BCCIP: variants seen among roughly 807,000 people sequenced by gnomAD.
The protein encoded by BCCIP is BRCA2 and CDKN1A-interacting protein.
A neutral mutation model predicts 32.8 loss-of-function variants in BCCIP; 23 were observed. The ratio of observed to expected loss-of-function variants is 0.70; its 90% CI spans 0.51 to 0.99. BCCIP has a LOEUF of 0.99. Ranked by LOEUF, BCCIP falls within the 50% of genes least tolerant of loss-of-function variation. BCCIP has a pLI of 0.00. For missense variants in BCCIP, 378 were observed against 379.8 expected (o/e 1.00, Z 0.04); for synonymous variants, 144 against 137.6 (o/e 1.05, Z -0.33).
At position 125,823,704 on chromosome 10, in the gene BCCIP, G is replaced by A. The variant is rs746946148; in HGVS notation, c.147G>A (p.Glu49=). The A allele has an allele frequency of 6.2e-7, 1 of 1,614,094 alleles. No homozygotes were observed. ...DDDSDKEKDE[E]DEVIDEEVNI... is the part of the protein sequence containing the mutation. Reference sequence around the variant, plus strand: ...ACAGTGACAAGGAAAAGGATGAAGAGGACGAGGTCATTGACGAGGTGAGAA... The same window carrying A: ...ACAGTGACAAGGAAAAGGATGAAGAAGACGAGGTCATTGACGAGGTGAGAA... The change falls in exon 1 of 7, where the codon GAG becomes GAA. Residue 49 remains glutamate (E), a synonymous_variant. Transcript: ENST00000278100.
chr10:125,843,561 G>A (rs1462541539), downstream of BCCIP, among the ~76,000 whole-genome samples: 2 of 151,770 alleles, frequency 1.3e-5, no homozygotes, highest in East Asian at 1.9e-4. Flanking sequence ...GTAGTGAGCC[G>A]AGATGGCACC....
downstream of BCCIP, chr10:125,838,179 C>A: frequency 6.5e-7 from 1 of 1,527,938 alleles, no homozygotes; most frequent in South Asian, 1.3e-5. Flanking sequence ...AAAAAAAATA[C>A]AACCCTTTCT....
At chr10:125,832,380 C>T (rs1450419570) in intron 5 of BCCIP, among the ~76,000 whole-genome samples, 1 of 152,004 alleles carries the variant, frequency 6.6e-6, no homozygotes, top group East Asian at 1.9e-4. Flanking sequence ...GAGGTCATAG[C>T]CCTTGCGTTG....
downstream of BCCIP, chr10:125,842,856 A>T (rs1038713699): frequency 4.2e-5 from 34 of 818,038 alleles, no homozygotes; most frequent in Admixed American, 5.6e-4. Flanking sequence ...ATCGATAATG[A>T]TGTGGTATTA....
At position 125,833,823 on chromosome 10, in the gene BCCIP, CT is replaced by C. The variant is rs1854582079; in HGVS notation, c.655del (p.Tyr219ThrfsTer3). On this transcript the variant is annotated frameshift_variant, in exon 6 of 7. Coordinates refer to ENST00000278100, the MANE Select transcript of BCCIP (RefSeq NM_078468.3). LOFTEE classifies it high-confidence loss of function. ...CCAATAAGCCATGTGGGAAGTGCTA[CT>C]TTTACCTTCTGATTAGTAAGACATT... Reference protein sequence around the residue: ...RTNKPCGKCYFYLLISKTFVE... With the variant: ...RTNKPCGKCYXYLLISKTFVE... 6.2e-7 allele frequency: 1 copy of C among 1,614,044 alleles called. No homozygotes were observed. Among genetic ancestry groups the C allele is most frequent in the Admixed American group, 1.7e-5 (1 of 60,002 alleles).
downstream of BCCIP, among the ~76,000 whole-genome samples, chr10:125,844,376 A>G (rs1013704206): frequency 6.6e-6 from 1 of 152,268 alleles, no homozygotes; most frequent in Non-Finnish European, 1.5e-5. Context: ...CTGGCTTGAC[A>G]GCCAGGCTCT....
chr10:125,836,942 T>C, downstream of BCCIP: 2 of 1,163,658 alleles, frequency 1.7e-6, no homozygotes, highest in Non-Finnish European at 2.5e-6. Flanking sequence ...TTCCCATCCC[T>C]GGAGAATCTA....
At chr10:125,845,009 T>C (rs1054660559), downstream of BCCIP, among the ~76,000 whole-genome samples, 1 of 152,202 alleles carries the variant, frequency 6.6e-6, no homozygotes, top group Non-Finnish European at 1.5e-5. Flanking sequence ...AGCTCCAATA[T>C]GTGCCTGCAT....
At chr10:125,847,232 A>AAGGG (rs987617086), downstream of BCCIP, among the ~76,000 whole-genome samples, 11 of 151,610 alleles carry the variant, frequency 7.3e-5, no homozygotes, top group African/African-American at 2.7e-4. Context: ...CATACCATGG[A>AAGGG]AGGGAGGGAG....
exon 7 of BCCIP, chr10:125,841,999 G>A: frequency 6.8e-7 from 1 of 1,461,794 alleles, no homozygotes; most frequent in Admixed American, 2.8e-5. Flanking sequence ...ACAGGTACTG[G>A]ACTTTTCCCT....
chr10:125,848,830 A>G (rs767001523), intron 7 of BCCIP, among the ~76,000 whole-genome samples: 5 of 152,204 alleles, frequency 3.3e-5, no homozygotes, highest in Non-Finnish European at 7.3e-5. Flanking sequence ...GGGCATGCAT[A>G]TGTTAACTAA....
downstream of BCCIP, among the ~76,000 whole-genome samples, chr10:125,847,464 G>A (rs1452232900): frequency 1.3e-5 from 2 of 152,130 alleles, no homozygotes; most frequent in African/African-American, 2.4e-5. Flanking sequence ...TGGTAGGGAC[G>A]TAGCATAGGG....
chr10:125,841,120 A>G (rs17153661), downstream of BCCIP: 2,911 of 1,361,914 alleles, frequency 2.1e-3, 158 homozygotes, highest in East Asian at 0.066. Flanking sequence ...CTGAATAAAT[A>G]TGTTATTCTT....
chr10:125,828,183 G>T (rs914097842), intron 3 of BCCIP, among the ~76,000 whole-genome samples: 1 of 152,090 alleles, frequency 6.6e-6, no homozygotes, highest in Non-Finnish European at 1.5e-5. Flanking sequence ...CCCTGATTGG[G>T]TCTGAAAGTG....
chr10:125,838,655 T>C (rs1854776627), downstream of BCCIP, among the ~76,000 whole-genome samples: 1 of 152,160 alleles, frequency 6.6e-6, no homozygotes. Flanking sequence ...GGCCATGAGA[T>C]GAAACTTAGC....
At chr10:125,832,064 G>T (rs996795887) in intron 5 of BCCIP, among the ~76,000 whole-genome samples, 5 of 152,162 alleles carry the variant, frequency 3.3e-5, no homozygotes, top group African/African-American at 1.2e-4. Context: ...TTTTAATCCA[G>T]AAGTTTTAAG....
At chr10:125,852,225 G>A (rs907400224) in intron 7 of BCCIP, 37 of 1,572,484 alleles carry the variant, frequency 2.4e-5, no homozygotes, top group Non-Finnish European at 3.0e-5. Flanking sequence ...GTGAACTCAG[G>A]ACAGAGAATG....
chr10:125,829,368 C>T (rs888415720), intron 3 of BCCIP, among the ~76,000 whole-genome samples: 1 of 152,186 alleles, frequency 6.6e-6, no homozygotes, highest in Non-Finnish European at 1.5e-5. Context: ...AGCACCTGTT[C>T]CCTAGCCTGT....
intron 5 of BCCIP, among the ~76,000 whole-genome samples, chr10:125,832,544 G>GTTTTT (rs200793319): frequency 1.3e-5 from 2 of 149,538 alleles, no homozygotes; most frequent in African/African-American, 4.9e-5. Context: ...AGTGGTTTTT[G>GTTTTT]TTTTTTTTTG....
Sources: allele counts gnomAD v4.1 joint callset (sites outside exome capture counted in the v4.1 genomes callset), GRCh38; gene constraint gnomAD v4.1.1; transcripts MANE v1.5; gene names NCBI Gene and HGNC (gene_info 2026-07-23, HGNC 2026-07-21).